IPMK: variants seen among roughly 807,000 people sequenced by gnomAD.
IPMK encodes inositol 1,3,4,6-tetrakisphosphate 5-kinase.
IPMK carries 17 observed loss-of-function variants against 45.8 expected under a neutral mutation model. The observed-to-expected ratio is 0.37, with a 90% CI of 0.25 to 0.56. IPMK has a LOEUF of 0.56. IPMK is among the 20% of genes least tolerant of loss of function. IPMK has a pLI of 0.79. For synonymous variants in IPMK, 180 were observed against 184.3 expected (o/e 0.98, Z 0.19); for missense variants, 399 against 498.0 (o/e 0.80, Z 1.89).
At chr10:58,263,179 A>T (rs1702695027) in intron 1 of IPMK, among the ~76,000 whole-genome samples, 1 of 152,212 alleles carries the variant, frequency 6.6e-6, no homozygotes, top group South Asian at 2.1e-4. Context: ...TGAAGCCAGT[A>T]GTTCAAGACC....
chr10:58,211,590 C>T (rs1434485451), intron 4 of IPMK, among the ~76,000 whole-genome samples: 2 of 151,880 alleles, frequency 1.3e-5, no homozygotes, highest in African/African-American at 4.8e-5. Flanking sequence ...GGCACAGTGG[C>T]TCATGCTTGC....
intron 4 of IPMK, among the ~76,000 whole-genome samples, chr10:58,210,525 CT>C (rs1393388060): frequency 6.6e-6 from 1 of 152,226 alleles, no homozygotes; most frequent in African/African-American, 2.4e-5. Flanking sequence ...TTCTTTCACC[CT>C]GTGACTAGTC....
chr10:58,261,652 C>T (rs958752492), intron 1 of IPMK, among the ~76,000 whole-genome samples: 5 of 151,698 alleles, frequency 3.3e-5, no homozygotes, highest in African/African-American at 1.2e-4. Context: ...GGCACAGTCT[C>T]GGCTCACTGC....
In IPMK at chr10:58,191,671, CCCA is replaced by C. The variant is rs1296601174; in HGVS notation, c.*4402_*4404del. 6.6e-6 allele frequency: 1 copy of C among 151,080 alleles called. No homozygotes were observed. The highest frequency in any genetic ancestry group is 1.5e-5 in the Non-Finnish European group (1 of 67,830). 9.4% of individuals were successfully genotyped at this position (151,080 alleles called of 1,614,324 possible). A position where few individuals can be genotyped will look rare whatever the true frequency, so the allele number is the denominator to read the frequency against. ...ATAACCCCTGCAGTCCAAGTATACC[CCCA>C]CAATAGTACAAATTACAAACACATT... is the stretch of plus-strand genomic sequence containing the variant. On this transcript the variant is annotated 3_prime_UTR_variant, in exon 6 of 6. Transcript: ENST00000373935.
intron 2 of IPMK, among the ~76,000 whole-genome samples, chr10:58,235,241 T>C (rs1838592498): frequency 6.6e-6 from 1 of 152,148 alleles, no homozygotes; most frequent in Non-Finnish European, 1.5e-5. Context: ...AGTTCAACCA[T>C]GTGGAAGACA....
intron 1 of IPMK, among the ~76,000 whole-genome samples, chr10:58,261,119 AAT>A (rs1554825805): frequency 6.7e-6 from 1 of 150,012 alleles, no homozygotes; most frequent in Admixed American, 6.7e-5. Flanking sequence ...AAAAAAAAAA[AAT>A]GAGGAGGAAC....
Position 58,196,168 on chromosome 10 carries a change from C to G in IPMK, c.1159G>C (p.Ala387Pro). Reference sequence around the variant, plus strand: ...ATTGTGTTGCTAGGGAACACATGAGCAAAATCTATCATTCGCACTTCTACT... The same window carrying G: ...ATTGTGTTGCTAGGGAACACATGAGGAAAATCTATCATTCGCACTTCTACT... ...AEVEVRMIDF[A>P]HVFPSNTIDE... Residue 387 changes from alanine (A) to proline (P), a missense_variant, in exon 6 of 6, where the codon GCT becomes CCT. By Grantham distance (27) the Ala-to-Pro change is conservative. Coordinates refer to ENST00000373935, the MANE Select transcript of IPMK (RefSeq NM_152230.5). 6.2e-7 allele frequency: 1 copy of G among 1,614,032 alleles called. No homozygotes were observed. The highest frequency in any genetic ancestry group is 8.5e-7 in the Non-Finnish European group (1 of 1,179,952).
At chr10:58,197,122 A>G (rs941778664) in intron 5 of IPMK, among the ~76,000 whole-genome samples, 2 of 150,886 alleles carry the variant, frequency 1.3e-5, no homozygotes, top group African/African-American at 4.9e-5. Flanking sequence ...AACACAGTGA[A>G]ACCCCGTCTC....
chr10:58,198,815 A>T (rs1433357163), intron 5 of IPMK, among the ~76,000 whole-genome samples: 1 of 152,188 alleles, frequency 6.6e-6, no homozygotes, highest in Non-Finnish European at 1.5e-5. Context: ...ACATAGCTCA[A>T]CTACACATGG....
At chr10:58,221,980 C>T (rs1051844486) in intron 3 of IPMK, among the ~76,000 whole-genome samples, 1 of 152,092 alleles carries the variant, frequency 6.6e-6, no homozygotes, top group Non-Finnish European at 1.5e-5. Flanking sequence ...AACTCCTGAC[C>T]TCAGGTGATC....
At chr10:58,244,753 T>C (rs1838769975) in intron 1 of IPMK, among the ~76,000 whole-genome samples, 1 of 152,182 alleles carries the variant, frequency 6.6e-6, no homozygotes, top group Non-Finnish European at 1.5e-5. Flanking sequence ...CCCAACCCCC[T>C]GCTCTCTGAA....
chr10:58,254,597 G>A (rs747116397), intron 1 of IPMK, among the ~76,000 whole-genome samples: 5 of 152,176 alleles, frequency 3.3e-5, no homozygotes, highest in South Asian at 2.1e-4. Context: ...ACCATACTTC[G>A]TTGGATTTTC....
intron 2 of IPMK, among the ~76,000 whole-genome samples, chr10:58,232,942 AAAG>A (rs1439129147): frequency 6.6e-6 from 1 of 152,234 alleles, no homozygotes. Context: ...CAAGATTAAT[AAAG>A]AAGAGAGAAG....
chr10:58,254,227 A>G (rs2590346), intron 1 of IPMK, among the ~76,000 whole-genome samples: 10,214 of 151,820 alleles, frequency 0.067, 803 homozygotes, highest in African/African-American at 0.19. Flanking sequence ...TTCATTCTTT[A>G]TTCTTTTCTT....
intron 4 of IPMK, among the ~76,000 whole-genome samples, chr10:58,205,812 TACCC>T (rs1838061611): frequency 6.6e-6 from 1 of 152,186 alleles, no homozygotes; most frequent in African/African-American, 2.4e-5. Flanking sequence ...CAAAAAACTG[TACCC>T]CAAAAGCTAC....
intron 1 of IPMK, among the ~76,000 whole-genome samples, chr10:58,251,616 C>A (rs781287659): frequency 6.6e-6 from 1 of 152,118 alleles, no homozygotes; most frequent in Non-Finnish European, 1.5e-5. Flanking sequence ...AAGTCAATTT[C>A]TCCCTTTAGG....
chr10:58,221,375 TTA>T (rs1340543300), intron 3 of IPMK, among the ~76,000 whole-genome samples: 8 of 144,400 alleles, frequency 5.5e-5, no homozygotes, highest in Non-Finnish European at 1.1e-4. Flanking sequence ...TTTTTTTTTT[TTA>T]AATTCTGAAG....
intron 1 of IPMK, among the ~76,000 whole-genome samples, chr10:58,265,382 T>C (rs1839134006): frequency 6.6e-6 from 1 of 152,210 alleles, no homozygotes. Flanking sequence ...ATTATTTCAA[T>C]TGACAGACCA....
In IPMK at chr10:58,193,697, T is replaced by A. The variant is rs539363443; in HGVS notation, c.*2379A>T. 1 of 151,912 alleles carries A rather than the reference T, an allele frequency of 6.6e-6. No homozygotes were observed. Among genetic ancestry groups the A allele is most frequent in the African/African-American group, 2.4e-5 (1 of 41,540 alleles). 9.4% of individuals were successfully genotyped at this position (151,912 alleles called of 1,614,324 possible). ...ATGTTTCATAGGGGAAAAAAAACTA[T>A]GAGAATCCTATTAACCCAAACTATA... On this transcript the variant is annotated 3_prime_UTR_variant, in exon 6 of 6. Coordinates refer to ENST00000373935, the MANE Select transcript of IPMK (RefSeq NM_152230.5).
Sources: allele counts gnomAD v4.1 joint callset (sites outside exome capture counted in the v4.1 genomes callset), GRCh38; gene constraint gnomAD v4.1.1; transcripts MANE v1.5; gene names NCBI Gene and HGNC (gene_info 2026-07-23, HGNC 2026-07-21).